The following PCDH9 variants were observed in gnomAD, a reference collection of about 807,000 sequenced individuals.
PCDH9 encodes the protein protocadherin 9, also known as protocadherin-9.
A neutral mutation model predicts 70.6 loss-of-function variants in PCDH9; 24 were observed. The ratio of observed to expected loss-of-function variants is 0.34; its 90% CI spans 0.25 to 0.48. The LOEUF is 0.48. Among genes scored for constraint, PCDH9 ranks in the 20% least tolerant of loss-of-function variants. The pLI is 0.99. For synonymous variants in PCDH9, 562 were observed against 558.5 expected, an observed-to-expected ratio of 1.01 and a Z score of -0.09; for missense variants, 1,281 against 1,503.6, an observed-to-expected ratio of 0.85 and a Z score of 2.45.
At chr13:66,367,383 C>G (rs1156344900) in intron 4 of PCDH9, among the ~76,000 whole-genome samples, 1 of 152,110 alleles carries the variant, frequency 6.6e-6, no homozygotes, top group Non-Finnish European at 1.5e-5. Flanking sequence ...ATACAAAAGT[C>G]AATAAACAAT....
chr13:67,081,725 T>C lies in PCDH9; in HGVS notation c.3036+143680A>G, dbSNP rs79042584. 4.5e-3 allele frequency among the ~76,000 whole-genome samples: 682 copies of C among 152,328 alleles called. 4 individuals are homozygous for C. Among genetic ancestry groups the C allele is most frequent in the Non-Finnish European group, 5.6e-3 (379 of 68,036 alleles). ...TCACTACTATGTACTGCAAATCTTC[T>C]GTTCTAAAATGTTAAAATCCTGTCC... On this transcript the variant is annotated intron_variant, in intron 2 of 4. Transcript: ENST00000377865.
At chr13:66,564,896 G>T (rs2076630774) in intron 4 of PCDH9, among the ~76,000 whole-genome samples, 1 of 151,404 alleles carries the variant, frequency 6.6e-6, no homozygotes, top group Admixed American at 6.6e-5. Context: ...ATACCCTGAG[G>T]ATTTCTTTGT....
At chr13:66,883,280 C>T (rs972661937) in intron 3 of PCDH9, among the ~76,000 whole-genome samples, 9 of 152,160 alleles carry the variant, frequency 5.9e-5, no homozygotes, top group South Asian at 2.1e-4. Context: ...CTGTGAGTTA[C>T]ATAGAGACTA....
chr13:66,842,759 T>C (rs2081137756), intron 3 of PCDH9, among the ~76,000 whole-genome samples: 1 of 152,180 alleles, frequency 6.6e-6, no homozygotes, highest in South Asian at 2.1e-4. Flanking sequence ...GGGAATTCAA[T>C]ATTATAAAAC....
intron 2 of PCDH9, among the ~76,000 whole-genome samples, chr13:67,196,710 T>C (rs2138038620): frequency 1.3e-5 from 2 of 152,156 alleles, no homozygotes; most frequent in East Asian, 3.9e-4. Context: ...AATGCATATT[T>C]TTGTCTCTTT....
At chr13:67,083,791 A>G (rs1001824814) in intron 2 of PCDH9, among the ~76,000 whole-genome samples, 3 of 152,202 alleles carry the variant, frequency 2.0e-5, no homozygotes, top group Non-Finnish European at 4.4e-5. Flanking sequence ...AAACATAAAC[A>G]TGACATAATG....
chr13:66,741,236 A>G (rs1365820366), intron 3 of PCDH9, among the ~76,000 whole-genome samples: 4 of 6,100 alleles, frequency 6.6e-4, no homozygotes, highest in African/African-American at 7.0e-4. Context: ...GCCAAAGACA[A>G]AAACCACATG....
intron 4 of PCDH9, among the ~76,000 whole-genome samples, chr13:66,506,011 C>T (rs1049428989): frequency 6.6e-6 from 1 of 152,150 alleles, no homozygotes; most frequent in African/African-American, 2.4e-5. Context: ...GTAATCTGTA[C>T]TCTCATATAA....
intron 4 of PCDH9, among the ~76,000 whole-genome samples, chr13:66,469,582 T>G (rs1182083440): frequency 2.6e-5 from 4 of 152,136 alleles, no homozygotes. Flanking sequence ...ACTTACAAGC[T>G]ATCCACGACC....
chr13:66,758,947 A>G (rs757995333), intron 3 of PCDH9, among the ~76,000 whole-genome samples: 8 of 151,912 alleles, frequency 5.3e-5, no homozygotes, highest in Non-Finnish European at 8.8e-5. Context: ...AACTTTGTGT[A>G]TTTCTGTGGC....
At chr13:67,214,933 C>CATAT (rs1388312996) in intron 2 of PCDH9, 6 of 26,130 alleles carry the variant, frequency 2.3e-4, no homozygotes, top group African/African-American at 7.3e-4. Flanking sequence ...TATTGCGAGC[C>CATAT]AGATATATAT....
intron 3 of PCDH9, among the ~76,000 whole-genome samples, chr13:66,897,525 T>C (rs1237876911): frequency 6.6e-6 from 1 of 152,096 alleles, no homozygotes; most frequent in Non-Finnish European, 1.5e-5. Context: ...GTTGATCAAA[T>C]ATGCCTGTTT....
At chr13:66,813,820 T>C (rs1171357220) in intron 3 of PCDH9, among the ~76,000 whole-genome samples, 1 of 152,106 alleles carries the variant, frequency 6.6e-6, no homozygotes, top group Non-Finnish European at 1.5e-5. Context: ...ATGCACAATA[T>C]AGTAAAATTC....
chr13:67,181,109 G>A (rs78041941), intron 2 of PCDH9, among the ~76,000 whole-genome samples: 1,855 of 152,176 alleles, frequency 0.012, 42 homozygotes, highest in African/African-American at 0.042. Flanking sequence ...TTTACCTTAG[G>A]TGCGGTCCTC....
intron 4 of PCDH9, among the ~76,000 whole-genome samples, chr13:66,403,961 A>G (rs1325242998): frequency 6.6e-6 from 1 of 152,170 alleles, no homozygotes; most frequent in African/African-American, 2.4e-5. Flanking sequence ...TCATACAAAG[A>G]GAACAATTGA....
chr13:66,368,690 C>T (rs149136894), intron 4 of PCDH9, among the ~76,000 whole-genome samples: 8 of 151,888 alleles, frequency 5.3e-5, no homozygotes, highest in Non-Finnish European at 8.8e-5. Flanking sequence ...AGTCCATTTT[C>T]ATGCTGCTGA....
At chr13:66,394,974 C>G (rs532340533) in intron 4 of PCDH9, among the ~76,000 whole-genome samples, 2 of 152,124 alleles carry the variant, frequency 1.3e-5, no homozygotes, top group South Asian at 2.1e-4. Flanking sequence ...GCTGGTCTCT[C>G]AAGAGAGAAA....
intron 3 of PCDH9, among the ~76,000 whole-genome samples, chr13:66,731,061 A>G (rs993469281): frequency 6.6e-6 from 1 of 151,914 alleles, no homozygotes; most frequent in Non-Finnish European, 1.5e-5. Flanking sequence ...CTAAATAAAT[A>G]TAAATCCACA....
At chr13:67,042,699 C>T (rs2085145451) in intron 2 of PCDH9, among the ~76,000 whole-genome samples, 1 of 151,974 alleles carries the variant, frequency 6.6e-6, no homozygotes, top group African/African-American at 2.4e-5. Context: ...TATTATGCAC[C>T]AGGCACAATG....
Sources: allele counts gnomAD v4.1 joint callset (sites outside exome capture counted in the v4.1 genomes callset), GRCh38; gene constraint gnomAD v4.1.1; transcripts MANE v1.5; gene names NCBI Gene and HGNC (gene_info 2026-07-23, HGNC 2026-07-21).